Variants in RIMS1 observed in about 807,000 individuals in gnomAD.
RIMS1 encodes regulating synaptic membrane exocytosis 1.
In RIMS1, 83 loss-of-function variants were observed where a neutral mutation model predicts 214.1. The observed-to-expected ratio is 0.39, with a 90% CI of 0.32 to 0.47. RIMS1 has a LOEUF of 0.47. Ranked by LOEUF, RIMS1 falls within the 20% of genes least tolerant of loss-of-function variation. The pLI is 0.99. For synonymous variants in RIMS1, 793 were observed against 786.8 expected, an observed-to-expected ratio of 1.01 and a Z score of -0.13; for missense variants, 2,050 against 2,161.8, an observed-to-expected ratio of 0.95 and a Z score of 1.03.
chr6:72,303,896 A>C (rs563901499), intron 26 of RIMS1, among the ~76,000 whole-genome samples: 1 of 151,736 alleles, frequency 6.6e-6, no homozygotes, highest in South Asian at 2.1e-4. Flanking sequence ...ACATCTGAGG[A>C]ACTAAGATAC....
chr6:72,187,078 A>T (rs1485012686), intron 6 of RIMS1, among the ~76,000 whole-genome samples: 3 of 152,102 alleles, frequency 2.0e-5, no homozygotes, highest in Non-Finnish European at 4.4e-5. Flanking sequence ...GTGAGCCGAG[A>T]TTGTGCCACT....
chr6:72,055,597 G>T (rs1825939257), intron 2 of RIMS1, among the ~76,000 whole-genome samples: 1 of 152,140 alleles, frequency 6.6e-6, no homozygotes. Flanking sequence ...TGTTCAATGG[G>T]ATTGCCTCCA....
intron 33 of RIMS1, among the ~76,000 whole-genome samples, chr6:72,399,342 C>T (rs56331832): frequency 0.014 from 2,158 of 152,008 alleles, 50 homozygotes; most frequent in African/African-American, 0.05. Context: ...TCTCTATCCT[C>T]TCCTTCTAGC....
intron 6 of RIMS1, among the ~76,000 whole-genome samples, chr6:72,206,588 G>A (rs575203931): frequency 3.3e-5 from 5 of 152,078 alleles, no homozygotes; most frequent in South Asian, 2.1e-4. Flanking sequence ...TTCAGTGAGC[G>A]TCTGGGGGTA....
intron 28 of RIMS1, among the ~76,000 whole-genome samples, chr6:72,321,138 C>T (rs74363539): frequency 0.017 from 2,607 of 152,056 alleles, 38 homozygotes; most frequent in African/African-American, 0.037. Flanking sequence ...TATGCTATTT[C>T]CTTATAATTA....
intron 4 of RIMS1, among the ~76,000 whole-genome samples, chr6:72,103,479 AATT>A (rs1200794812): frequency 6.6e-6 from 1 of 152,086 alleles, no homozygotes; most frequent in Non-Finnish European, 1.5e-5. Flanking sequence ...TGTTTCAAGA[AATT>A]ATAATTTTTC....
chr6:72,225,172 A>G (rs988437091), intron 6 of RIMS1, among the ~76,000 whole-genome samples: 1 of 152,194 alleles, frequency 6.6e-6, no homozygotes, highest in Non-Finnish European at 1.5e-5. Context: ...CACTTGAGGG[A>G]TCTCTGGTGT....
chr6:72,237,961 C>A, intron 9 of RIMS1, 39 bp downstream of exon 9: 2 of 1,391,702 alleles, frequency 1.4e-6, no homozygotes, highest in Non-Finnish European at 2.0e-6. Context: ...AGTGTGTTCT[C>A]CATGCATGAA....
chr6:72,005,038 A>G (rs1806913407), intron 2 of RIMS1, among the ~76,000 whole-genome samples: 1 of 151,328 alleles, frequency 6.6e-6, no homozygotes, highest in Non-Finnish European at 1.5e-5. Flanking sequence ...ATCTTGAATT[A>G]ATTTTTGTAT....
chr6:72,230,640 T>G (rs1364275672), intron 6 of RIMS1, among the ~76,000 whole-genome samples: 2 of 151,596 alleles, frequency 1.3e-5, no homozygotes, highest in African/African-American at 4.8e-5. Context: ...TACATGTTTA[T>G]GCCTTGTTAC....
At chr6:71,901,978 A>G (rs903722621) in intron 1 of RIMS1, among the ~76,000 whole-genome samples, 4 of 152,110 alleles carry the variant, frequency 2.6e-5, no homozygotes, top group Non-Finnish European at 5.9e-5. Context: ...TTGCATGTAA[A>G]TCTTTCAAGG....
intron 29 of RIMS1, among the ~76,000 whole-genome samples, chr6:72,352,327 T>G (rs2097481594): frequency 6.6e-6 from 1 of 152,200 alleles, no homozygotes; most frequent in Non-Finnish European, 1.5e-5. Flanking sequence ...ATTCTAGCAC[T>G]CTAAAACAGG....
At chr6:72,293,921 C>A (rs1369576713) in intron 26 of RIMS1, among the ~76,000 whole-genome samples, 1 of 151,598 alleles carries the variant, frequency 6.6e-6, no homozygotes, top group Non-Finnish European at 1.5e-5. Flanking sequence ...TTTAATATGA[C>A]AAATACACTA....
chr6:72,401,644 T>TA lies in RIMS1; in HGVS notation c.*937dup, dbSNP rs1237737872. ...TGTAATGCCTTTTTCTTCCTGATAT[T>TA]AAAAAAATGCTCATGTGTATAAACC... is the stretch of plus-strand genomic sequence containing the variant. On this transcript the variant is annotated 3_prime_UTR_variant, in exon 34 of 34. Coordinates refer to ENST00000521978, the MANE Select transcript of RIMS1 (RefSeq NM_014989.7). The TA allele has an allele frequency of 6.6e-6, 1 of 152,600 alleles. No homozygotes were observed. Among genetic ancestry groups the TA allele is most frequent in the Non-Finnish European group, 1.5e-5 (1 of 68,036 alleles). The allele number at this position is 152,600 out of a possible 1,614,324, so 9.5% of individuals were successfully genotyped here. A position where few individuals can be genotyped will look rare whatever the true frequency, so the allele number is the denominator to read the frequency against.
intron 29 of RIMS1, among the ~76,000 whole-genome samples, chr6:72,353,001 T>C (rs1055194799): frequency 6.9e-6 from 1 of 145,298 alleles, no homozygotes; most frequent in African/African-American, 2.6e-5. Context: ...TTTTTTTTTT[T>C]TTTTTTGAGA....
intron 26 of RIMS1, among the ~76,000 whole-genome samples, chr6:72,304,511 G>A (rs1289863924): frequency 2.0e-5 from 3 of 151,656 alleles, no homozygotes; most frequent in African/African-American, 4.8e-5. Flanking sequence ...CAAATTTGTG[G>A]TAATTGTCTT....
intron 4 of RIMS1, among the ~76,000 whole-genome samples, chr6:72,164,253 G>A (rs977432597): frequency 3.9e-5 from 6 of 152,134 alleles, no homozygotes; most frequent in Non-Finnish European, 7.4e-5. Context: ...CGCAGTATTA[G>A]GGTGGGAGTG....
intron 19 of RIMS1, chr6:72,261,665 T>C: frequency 1.0e-6 from 1 of 985,244 alleles, no homozygotes; most frequent in Non-Finnish European, 1.2e-6. Flanking sequence ...GAAAGAGGTA[T>C]TACCGCAGTA....
chr6:72,084,185 G>A (rs1001939522), intron 2 of RIMS1, among the ~76,000 whole-genome samples: 3 of 152,114 alleles, frequency 2.0e-5, no homozygotes, highest in Non-Finnish European at 2.9e-5. Flanking sequence ...GCATGATCAC[G>A]TGACACATTC....
Sources: gnomAD v4.1 joint callset for allele counts (sites outside exome capture counted in the v4.1 genomes callset) on GRCh38, gnomAD v4.1.1 for gene constraint, MANE v1.5 for transcripts, NCBI Gene and HGNC (gene_info 2026-07-23, HGNC 2026-07-21) for gene names.